SAMD5: variants seen among roughly 807,000 people sequenced by gnomAD.
SAMD5 encodes the protein sterile alpha motif domain containing 5.
SAMD5 carries 13 observed loss-of-function variants against 11.3 expected under a neutral mutation model. The observed-to-expected ratio is 1.15, with a 90% CI of 0.75 to 1.83. SAMD5 has a LOEUF of 1.83. Ranked by LOEUF, SAMD5 falls within the 40% of genes most tolerant of loss-of-function variation. The pLI is 0.00. For synonymous variants in SAMD5, 129 were observed against 111.3 expected (o/e 1.16, Z -1.00); for missense variants, 255 against 239.1 (o/e 1.07, Z -0.44).
chr6:147,906,469 C>T, the SAMD5 span, among the ~76,000 whole-genome samples: 3 of 152,306 alleles, frequency 2.0e-5, no homozygotes, highest in East Asian at 3.9e-4. Flanking sequence ...ACAGAACACC[C>T]TTAAAATTAC....
chr6:147,825,463 G>T, the SAMD5 span, among the ~76,000 whole-genome samples: 1 of 152,110 alleles, frequency 6.6e-6, no homozygotes. Flanking sequence ...TTCTTAATTT[G>T]GTTCTTGGCA....
the SAMD5 span, among the ~76,000 whole-genome samples, chr6:147,743,483 A>G: frequency 6.6e-6 from 1 of 152,020 alleles, no homozygotes; most frequent in Non-Finnish European, 1.5e-5. Flanking sequence ...AGCCTGGGCA[A>G]CAGAGCGAGA....
At chr6:147,686,904 C>G (rs1583139451) in intron 1 of SAMD5, among the ~76,000 whole-genome samples, 1 of 151,924 alleles carries the variant, frequency 6.6e-6, no homozygotes, top group African/African-American at 2.4e-5. Context: ...TTATTATACT[C>G]TAAGTTCTGG....
the SAMD5 span, among the ~76,000 whole-genome samples, chr6:147,860,006 G>T: frequency 6.6e-6 from 1 of 152,146 alleles, no homozygotes; most frequent in Non-Finnish European, 1.5e-5. Context: ...TACTAGGGCT[G>T]CCATAGCAAA....
downstream of SAMD5, among the ~76,000 whole-genome samples, chr6:147,573,985 G>A (rs540233832): frequency 6.6e-5 from 10 of 152,042 alleles, no homozygotes; most frequent in African/African-American, 1.9e-4. Flanking sequence ...AAAATTAGCC[G>A]GGCGTGGTGG....
At position 147,525,889 on chromosome 6, in the gene SAMD5, A is replaced by G. The variant is rs374092764; in HGVS notation, c.459+16502A>G. Among the ~76,000 whole-genome samples, 11 of 152,304 alleles carry G rather than the reference A, an allele frequency of 7.2e-5. No homozygotes were observed. In the East Asian group the frequency reaches 2.1e-3, roughly 29 times the overall value. ...AAGCCAGCATGCCTCCTGGAAAGCT[A>G]GATGGTTTCATGGTGGTGACATCAA... is the stretch of plus-strand genomic sequence containing the variant. On this transcript the variant is annotated intron_variant, in intron 1 of 1. Coordinates refer to ENST00000367474, the MANE Select transcript of SAMD5 (RefSeq NM_001030060.3).
the SAMD5 span, among the ~76,000 whole-genome samples, chr6:147,910,317 T>G: frequency 6.6e-6 from 1 of 152,062 alleles, no homozygotes; most frequent in African/African-American, 2.4e-5. Flanking sequence ...GGGGAGAAGA[T>G]GCTTCCTGAC....
the SAMD5 span, among the ~76,000 whole-genome samples, chr6:147,865,490 T>C: frequency 6.6e-6 from 1 of 152,178 alleles, no homozygotes; most frequent in African/African-American, 2.4e-5. Context: ...ATGTAACACA[T>C]TTGCAGGCTT....
At chr6:147,866,779 A>T in the SAMD5 span, among the ~76,000 whole-genome samples, 1 of 150,416 alleles carries the variant, frequency 6.6e-6, no homozygotes, top group Non-Finnish European at 1.5e-5. Flanking sequence ...GATTCTGGCT[A>T]AAATCGTTTT....
At chr6:147,740,154 TTA>T (rs1234879473), downstream of SAMD5, among the ~76,000 whole-genome samples, 4 of 152,204 alleles carry the variant, frequency 2.6e-5, no homozygotes, top group African/African-American at 7.2e-5. Flanking sequence ...TTATCCATTA[TTA>T]CATTAAAGTA....
chr6:147,537,584 C>T (rs10872593), intron 1 of SAMD5, among the ~76,000 whole-genome samples: 80,898 of 151,500 alleles, frequency 0.53, 21,912 homozygotes, highest in East Asian at 0.7. Context: ...AACCCCGTCT[C>T]TACTAAAAAT....
the SAMD5 span, among the ~76,000 whole-genome samples, chr6:147,817,630 C>A: frequency 1.3e-5 from 2 of 152,204 alleles, no homozygotes; most frequent in African/African-American, 2.4e-5. Flanking sequence ...AAAAAAGATG[C>A]AACCCAGAAA....
chr6:147,774,003 C>T, the SAMD5 span, among the ~76,000 whole-genome samples: 1 of 152,080 alleles, frequency 6.6e-6, no homozygotes, highest in African/African-American at 2.4e-5. Flanking sequence ...CCAACACACC[C>T]AGCTAATGTT....
At chr6:147,645,131 G>A (rs770091749) in intron 1 of SAMD5, among the ~76,000 whole-genome samples, 2 of 152,104 alleles carry the variant, frequency 1.3e-5, no homozygotes, top group Non-Finnish European at 2.9e-5. Context: ...CAGAGGCTCC[G>A]TGGGACTTCC....
intron 1 of SAMD5, among the ~76,000 whole-genome samples, chr6:147,667,259 ATTG>A (rs1366640535): frequency 3.9e-5 from 6 of 152,078 alleles, no homozygotes; most frequent in East Asian, 3.9e-4. Context: ...GTAAGGTGTT[ATTG>A]TTGTTGTTTA....
intron 1 of SAMD5, among the ~76,000 whole-genome samples, chr6:147,559,128 G>A (rs1371864944): frequency 6.6e-6 from 1 of 152,208 alleles, no homozygotes; most frequent in Non-Finnish European, 1.5e-5. Context: ...GCACGGCCCT[G>A]ACTCCAGGCG....
the SAMD5 span, among the ~76,000 whole-genome samples, chr6:147,902,961 C>T: frequency 1.3e-5 from 2 of 152,140 alleles, no homozygotes; most frequent in African/African-American, 4.8e-5. Flanking sequence ...TTTTTGGCTA[C>T]ATTGTAAGGC....
At chr6:147,862,089 A>T in the SAMD5 span, among the ~76,000 whole-genome samples, 10 of 152,216 alleles carry the variant, frequency 6.6e-5, no homozygotes, top group Admixed American at 5.2e-4. Flanking sequence ...TGAGCAGATA[A>T]GTCCATTCAA....
intron 1 of SAMD5, among the ~76,000 whole-genome samples, chr6:147,660,472 T>C (rs1790632190): frequency 6.6e-6 from 1 of 152,180 alleles, no homozygotes; most frequent in African/African-American, 2.4e-5. Context: ...GTCACCCCAT[T>C]ATAGTCCTTT....
Sources: allele counts gnomAD v4.1 joint callset (sites outside exome capture counted in the v4.1 genomes callset), GRCh38; gene constraint gnomAD v4.1.1; transcripts MANE v1.5; gene names NCBI Gene and HGNC (gene_info 2026-07-23, HGNC 2026-07-21).